ADORA2B: variants seen among roughly 807,000 people sequenced by gnomAD.
ADORA2B encodes the protein adenosine A2b receptor.
In ADORA2B, 18 loss-of-function variants were observed where a neutral mutation model predicts 20.8. The observed-to-expected ratio is 0.87, with a 90% CI of 0.60 to 1.29. ADORA2B has a LOEUF of 1.29. Ranked by LOEUF, ADORA2B falls within the 50% of genes most tolerant of loss-of-function variation. The probability of loss-of-function intolerance (pLI) is 0.00; values close to 1 mark genes in which losing one functional copy is unlikely to be tolerated. For missense variants in ADORA2B, 441 were observed against 422.7 expected (o/e 1.04, Z -0.38); for synonymous variants, 179 against 178.3 (o/e 1.00, Z -0.03).
At chr17:15,959,841 A>G (rs956499263) in intron 1 of ADORA2B, among the ~76,000 whole-genome samples, 2 of 152,208 alleles carry the variant, frequency 1.3e-5, no homozygotes, top group Non-Finnish European at 2.9e-5. Context: ...CTATAGTCAG[A>G]TGTTCCCAGT....
the ADORA2B span, among the ~76,000 whole-genome samples, chr17:15,865,762 G>A: frequency 9.4e-4 from 142 of 150,358 alleles, no homozygotes; most frequent in Non-Finnish European, 6.5e-4. Context: ...TGAATATTAT[G>A]TTAGTATTGC....
the ADORA2B span, among the ~76,000 whole-genome samples, chr17:15,855,833 C>G: frequency 6.6e-6 from 1 of 151,940 alleles, no homozygotes; most frequent in Non-Finnish European, 1.5e-5. Context: ...AGTTTTTCAA[C>G]CTTTGCCCCC....
chr17:15,966,554 T>G (rs1192243853), intron 1 of ADORA2B, among the ~76,000 whole-genome samples: 3 of 152,246 alleles, frequency 2.0e-5, no homozygotes, highest in Non-Finnish European at 4.4e-5. Context: ...ATGCAGGCCT[T>G]GGCGGTTCCC....
the ADORA2B span, among the ~76,000 whole-genome samples, chr17:15,858,282 T>G: frequency 6.6e-6 from 1 of 152,060 alleles, no homozygotes; most frequent in Non-Finnish European, 1.5e-5. Context: ...TGGGTTTTGA[T>G]GATGGCCTTC....
chr17:15,907,785 G>C, the ADORA2B span, among the ~76,000 whole-genome samples: 12 of 152,200 alleles, frequency 7.9e-5, no homozygotes, highest in Non-Finnish European at 1.3e-4. Context: ...TTTATCTTGA[G>C]GGACTAGTTC....
At chr17:15,852,452 T>C in the ADORA2B span, among the ~76,000 whole-genome samples, 77 of 152,200 alleles carry the variant, frequency 5.1e-4, no homozygotes, top group African/African-American at 1.8e-3. Context: ...GAACCTCAAC[T>C]TATAGCCACA....
chr17:15,876,474 G>T, the ADORA2B span, among the ~76,000 whole-genome samples: 2 of 118,844 alleles, frequency 1.7e-5, no homozygotes, highest in Non-Finnish European at 1.7e-5. Context: ...TGTCATGCTA[G>T]TCACTCACTG....
At chr17:15,943,449 C>T (rs1969762066), upstream of ADORA2B, among the ~76,000 whole-genome samples, 1 of 152,192 alleles carries the variant, frequency 6.6e-6, no homozygotes, top group Admixed American at 6.5e-5. Context: ...GCCTCAGCCT[C>T]CCAAGTAGCT....
At chr17:15,875,207 C>T in the ADORA2B span, among the ~76,000 whole-genome samples, 16 of 152,206 alleles carry the variant, frequency 1.1e-4, no homozygotes, top group African/African-American at 3.1e-4. Flanking sequence ...ATGAGCAAAG[C>T]GGTCAGCCTG....
the ADORA2B span, among the ~76,000 whole-genome samples, chr17:15,917,494 T>C: frequency 6.6e-6 from 1 of 152,170 alleles, no homozygotes; most frequent in African/African-American, 2.4e-5. Context: ...CCCTGCACCA[T>C]GTGGACGGTG....
the ADORA2B span, among the ~76,000 whole-genome samples, chr17:15,935,866 CTTT>C: frequency 7.7e-6 from 1 of 130,128 alleles, no homozygotes. Context: ...TGTTATTGTA[CTTT>C]TTTTTTTTTT....
chr17:15,907,237 G>C, the ADORA2B span, among the ~76,000 whole-genome samples: 1 of 151,660 alleles, frequency 6.6e-6, no homozygotes, highest in Admixed American at 6.6e-5. Context: ...AATTGTTCTA[G>C]GTGTACCTGC....
chr17:15,951,016 A>C (rs1435526539), intron 1 of ADORA2B, among the ~76,000 whole-genome samples: 1 of 152,220 alleles, frequency 6.6e-6, no homozygotes, highest in African/African-American at 2.4e-5. Context: ...AGGCTAGGAA[A>C]GCACATTGTG....
chr17:15,874,696 G>A, the ADORA2B span, among the ~76,000 whole-genome samples: 1 of 151,926 alleles, frequency 6.6e-6, no homozygotes, highest in Non-Finnish European at 1.5e-5. Flanking sequence ...CATCTCTGGG[G>A]ATAAAAAATG....
chr17:15,903,531 C>A, the ADORA2B span, among the ~76,000 whole-genome samples: 6 of 152,272 alleles, frequency 3.9e-5, no homozygotes, highest in South Asian at 4.1e-4. Context: ...GACCCTCCCC[C>A]CAAGCACCTA....
chr17:15,922,977 A>G, the ADORA2B span, among the ~76,000 whole-genome samples: 1 of 151,392 alleles, frequency 6.6e-6, no homozygotes, highest in African/African-American at 2.4e-5. Flanking sequence ...TTTTCTGTGA[A>G]CTGCTTTTTC....
At chr17:15,962,066 GC>G in intron 1 of ADORA2B, among the ~76,000 whole-genome samples, 1 of 152,292 alleles carries the variant, frequency 6.6e-6, no homozygotes, top group South Asian at 2.1e-4. Flanking sequence ...ACTTTGGGAG[GC>G]CAAAGTGGGT....
chr17:15,855,112 G>A, the ADORA2B span, among the ~76,000 whole-genome samples: 2 of 151,398 alleles, frequency 1.3e-5, no homozygotes, highest in African/African-American at 4.9e-5. Flanking sequence ...TATTTTTTTA[G>A]TAGAGATGGG....
chr17:15,922,479 G>C, the ADORA2B span, among the ~76,000 whole-genome samples: 1 of 152,038 alleles, frequency 6.6e-6, no homozygotes, highest in Non-Finnish European at 1.5e-5. Context: ...CCTATGATTA[G>C]GGTAGCCATA....
Sources: allele counts gnomAD v4.1 joint callset (sites outside exome capture counted in the v4.1 genomes callset), GRCh38; gene constraint gnomAD v4.1.1; transcripts MANE v1.5; gene names NCBI Gene and HGNC (gene_info 2026-07-23, HGNC 2026-07-21).